Variants in MED23 observed in about 807,000 individuals in gnomAD.
MED23 encodes the protein mediator of RNA polymerase II transcription subunit 23.
Under a neutral mutation model 163.9 loss-of-function variants are expected in MED23, and 105 were observed. That is an observed-to-expected ratio of 0.64 (90% CI 0.55 to 0.75). The LOEUF is 0.75. Ranked by LOEUF, MED23 falls within the 30% of genes least tolerant of loss-of-function variation. MED23 has a pLI of 0.00. For missense variants in MED23, 1,054 were observed against 1,649.0 expected (o/e 0.64, Z 6.25); for synonymous variants, 561 against 565.6 (o/e 0.99, Z 0.12).
At chr6:131,592,684 T>C (rs1585463267) in intron 24 of MED23, 2 of 600,296 alleles carry the variant, frequency 3.3e-6, no homozygotes, top group East Asian at 2.8e-5. Context: ...CCATACTTCA[T>C]GCTAATTTTT....
At chr6:131,578,289 T>TATCA (rs965124084) in intron 30 of MED23, among the ~76,000 whole-genome samples, 1 of 152,088 alleles carries the variant, frequency 6.6e-6, no homozygotes, top group African/African-American at 2.4e-5. Flanking sequence ...TCACGTGTTG[T>TATCA]ATCAGGTGAA....
rs1322133298 is a variant in MED23, at chr6:131,624,865, C to G, written c.284G>C (p.Arg95Thr). The change falls in exon 4 of 29, where the codon AGG (arginine) becomes ACG (threonine). Residue 95 changes from arginine (R) to threonine (T), a missense_variant and splice_region_variant. By Grantham distance (71) the Arg-to-Thr change is moderately conservative. Around this residue, in one of 11 missense-constraint regions of MED23, gnomAD observed 227 missense variants for 235.5 expected, o/e 0.96. Transcript: ENST00000368068. ...MAVETGLLPPRLVCESLINSD... is the reference protein window; with the variant it reads ...MAVETGLLPPTLVCESLINSD... ...GATTGCTCATACCCATTAAACGTAC[C>G]TGGGTGGAAGGAGACCAGTCTCAAC... is the stretch of plus-strand genomic sequence containing the variant. 6.2e-7 allele frequency: 1 copy of G among 1,613,608 alleles called. No homozygotes were observed. Among genetic ancestry groups the G allele is most frequent in the Non-Finnish European group, 8.5e-7 (1 of 1,179,952 alleles).
chr6:131,623,300 A>C (rs752293117), intron 5 of MED23, 51 bp downstream of exon 5: 16 of 1,442,498 alleles, frequency 1.1e-5, no homozygotes, highest in Non-Finnish European at 1.3e-5. Context: ...TGCACACCGA[A>C]AAATCAATCA....
In MED23 at chr6:131,600,041, T is replaced by C. The variant is rs748997794; in HGVS notation, c.2217A>G (p.Leu739=). 3.1e-6 allele frequency: 5 copies of C among 1,614,108 alleles called. No individual in the cohort carries two copies. The Admixed American group carries it at 5.0e-5, about 16-fold the overall frequency. The part of the protein sequence containing the change: ...SHTLSCFPGP[L]QAFFKQNNVP... ...AAGTAATTCAAGACCAAATTACCTG[T>C]AGTGGGCCTGGAAAACAGCTCAGGG... Residue 739 remains leucine, a synonymous_variant, in exon 18 of 29, where the codon CTA becomes CTG. Coordinates refer to ENST00000368068, the MANE Select transcript of MED23 (RefSeq NM_004830.4).
intron 9 of MED23, among the ~76,000 whole-genome samples, chr6:131,616,966 CA>C (rs1475505270): frequency 6.6e-6 from 1 of 151,832 alleles, no homozygotes; most frequent in African/African-American, 2.4e-5. Flanking sequence ...TAGTAAGATT[CA>C]AAAAACAGCT....
At chr6:131,589,106 G>A (rs1056412396) in intron 28 of MED23, among the ~76,000 whole-genome samples, 7 of 152,142 alleles carry the variant, frequency 4.6e-5, no homozygotes, top group Non-Finnish European at 7.3e-5. Context: ...AGTGTCAGGA[G>A]AAGCAGGACC....
At chr6:131,582,724 A>T, downstream of MED23, 1 of 1,612,334 alleles carries the variant, frequency 6.2e-7, no homozygotes, top group Non-Finnish European at 8.5e-7. Context: ...CAGTAAGCTT[A>T]TTCCTTGATG....
chr6:131,582,813 A>G, downstream of MED23: 1 of 987,506 alleles, frequency 1.0e-6, no homozygotes, highest in Non-Finnish European at 1.6e-6. Flanking sequence ...TTAAACATCA[A>G]GACACACACA....
At chr6:131,593,949 T>C in intron 23 of MED23, 150 bp downstream of exon 23, 3 of 653,756 alleles carry the variant, frequency 4.6e-6, no homozygotes, top group South Asian at 2.2e-5. Context: ...ATTTAAGATT[T>C]CAAATCTTTA....
At chr6:131,603,685 G>A (rs991968866) in intron 15 of MED23, among the ~76,000 whole-genome samples, 1 of 152,088 alleles carries the variant, frequency 6.6e-6, no homozygotes, top group Non-Finnish European at 1.5e-5. Context: ...TTCGTGAAAA[G>A]CTGGAATTAC....
downstream of MED23, among the ~76,000 whole-genome samples, chr6:131,585,040 G>A (rs537068780): frequency 2.2e-4 from 33 of 150,690 alleles, no homozygotes; most frequent in South Asian, 5.9e-3. Flanking sequence ...ATCTATTCAG[G>A]AGCCACATAA....
chr6:131,584,833 A>ACACACACACG (rs1223535475), downstream of MED23, among the ~76,000 whole-genome samples: 1 of 151,178 alleles, frequency 6.6e-6, no homozygotes, highest in African/African-American at 2.4e-5. Flanking sequence ...ACACACACAC[A>ACACACACACG]CACACACACA....
Position 131,621,869 on chromosome 6 carries a change from T to C in MED23, c.495+12A>G, listed in dbSNP as rs1585567777. 3 of 1,583,464 alleles carry C rather than the reference T, an allele frequency of 1.9e-6. No individual in the cohort carries two copies. Among genetic ancestry groups the C allele is most frequent in the East Asian group, 2.3e-5 (1 of 44,406 alleles). On this transcript the variant is annotated intron_variant, in intron 6 of 28. Coordinates refer to ENST00000368068, the MANE Select transcript of MED23 (RefSeq NM_004830.4). The stretch of plus-strand genomic sequence containing the variant: ...AGGTTATGATCACGAATTTCAGACA[T>C]GTCTAAATTACCTCTCTTGCTGCCA...
chr6:131,593,195 A>C (rs748149617), intron 23 of MED23, 24 bp from the exon 24 acceptor site: 1 of 1,614,002 alleles, frequency 6.2e-7, no homozygotes, highest in Non-Finnish European at 8.5e-7. Context: ...AAGCAATAAC[A>C]ATTGGACTAT....
At chr6:131,585,312 T>TA (rs1170378554), downstream of MED23, among the ~76,000 whole-genome samples, 2 of 152,190 alleles carry the variant, frequency 1.3e-5, no homozygotes, top group Non-Finnish European at 2.9e-5. Flanking sequence ...GGGGGTCCTG[T>TA]AAAAAAGGTA....
chr6:131,577,211 G>A (rs1200885227), intron 30 of MED23, among the ~76,000 whole-genome samples: 1 of 152,180 alleles, frequency 6.6e-6, no homozygotes, highest in Non-Finnish European at 1.5e-5. Flanking sequence ...TATTTTTAAA[G>A]TATGGGCTCA....
At chr6:131,615,184 G>T in intron 10 of MED23, 2 of 739,158 alleles carry the variant, frequency 2.7e-6, no homozygotes, top group Non-Finnish European at 4.2e-6. Context: ...AGAAGAAATC[G>T]TTTTTTAGTG....
chr6:131,626,015 G>T (rs971932602), intron 3 of MED23, among the ~76,000 whole-genome samples: 7 of 151,162 alleles, frequency 4.6e-5, no homozygotes, highest in Non-Finnish European at 8.9e-5. Context: ...CCAGCTACTC[G>T]GGAGGCTGAG....
chr6:131,590,110 A>G (rs1774489586), intron 27 of MED23, among the ~76,000 whole-genome samples: 1 of 152,160 alleles, frequency 6.6e-6, no homozygotes, highest in Non-Finnish European at 1.5e-5. Flanking sequence ...CTCAACCTTC[A>G]TGATGGGCGT....
Sources: allele counts gnomAD v4.1 joint callset (sites outside exome capture counted in the v4.1 genomes callset), GRCh38; gene constraint gnomAD v4.1.1; regional missense constraint gnomAD v4.1.1; transcripts MANE v1.5; gene names NCBI Gene and HGNC (gene_info 2026-07-23, HGNC 2026-07-21).